The following SLC9A6 variants were observed in gnomAD, a reference collection of about 807,000 sequenced individuals.
SLC9A6 encodes solute carrier family 9 member A6.
SLC9A6 carries 6 observed loss-of-function variants against 45.3 expected under a neutral mutation model. The ratio of observed to expected loss-of-function variants is 0.13; its 90% CI spans 0.07 to 0.26. The LOEUF is 0.26. Ranked by LOEUF, SLC9A6 falls within the 10% of genes least tolerant of loss-of-function variation. The pLI, the probability that SLC9A6 is intolerant of heterozygous loss-of-function variation, is 1.00. For missense variants in SLC9A6, 278 were observed against 503.7 expected, an observed-to-expected ratio of 0.55 and a Z score of 4.29; for synonymous variants, 191 against 187.7, an observed-to-expected ratio of 1.02 and a Z score of -0.14.
chrX:136,009,780 T>C (rs1439238446), intron 7 of SLC9A6, among the ~76,000 whole-genome samples: 9 of 112,248 alleles, frequency 8.0e-5, no homozygotes, highest in Non-Finnish European at 1.7e-4. Context: ...TGGCCTGGTA[T>C]AGAGTGACTT....
intron 2 of SLC9A6, among the ~76,000 whole-genome samples, chrX:135,986,163 G>C (rs2089337135): frequency 9.1e-6 from 1 of 110,253 alleles, no homozygotes; most frequent in Non-Finnish European, 1.9e-5. Context: ...GTCTGGAATT[G>C]GGCTGGGGGC....
chrX:135,998,202 T>C lies in SLC9A6; in HGVS notation c.447+17T>C. The C allele has an allele frequency of 1.1e-6, 1 of 946,369 alleles. No homozygotes were observed. Among genetic ancestry groups the C allele is most frequent in the Non-Finnish European group, 1.5e-6 (1 of 653,634 alleles). 78.0% of individuals were successfully genotyped at this position (946,369 alleles called of 1,213,427 possible). On this transcript the variant is annotated intron_variant, in intron 4 of 17. Transcript: ENST00000630721. ...CTGAAAAGGGTAAGTCCTTTTGTCT[T>C]TCATATACTTTGAATAATCTTAAAC...
chrX:136,023,554 C>T (rs1556620193), intron 12 of SLC9A6, among the ~76,000 whole-genome samples: 1 of 109,930 alleles, frequency 9.1e-6, no homozygotes, highest in Non-Finnish European at 1.9e-5. Context: ...GAAAGGTTAC[C>T]TGCTGTGTGA....
At chrX:135,977,769 A>C (rs782540958) in intron 1 of SLC9A6, among the ~76,000 whole-genome samples, 2 of 111,829 alleles carry the variant, frequency 1.8e-5, no homozygotes, top group African/African-American at 6.5e-5. Context: ...CAATAAAAAA[A>C]AGTATTTGTC....
intron 1 of SLC9A6, 42 bp from the exon 2 acceptor site, chrX:135,985,561 G>A: frequency 1.7e-6 from 2 of 1,193,708 alleles, no homozygotes; most frequent in East Asian, 3.0e-5. Flanking sequence ...AGCAGTCCCC[G>A]AGCCCGCAGG....
rs1227537009 is a variant in SLC9A6, at chrX:136,029,864, G to GA, written c.1551-260dup. Reference sequence around the variant, plus strand: ...CGCTTCGAGTGGACCTATATTCAGAGAAAAAAAATGCTGTTTTTTTCTGAA... The same window carrying GA: ...CGCTTCGAGTGGACCTATATTCAGAGAAAAAAAAATGCTGTTTTTTTCTGAA... On this transcript the variant is annotated intron_variant, in intron 14 of 17. Coordinates refer to ENST00000630721, the MANE Select transcript of SLC9A6 (RefSeq NM_001379110.1). The GA allele has an allele frequency of 1.3e-4, 49 of 382,567 alleles. No homozygotes were observed. In the Admixed American group the frequency reaches 1.7e-3, roughly 13 times the overall value. The allele number at this position is 382,567 out of a possible 1,213,427, so 31.5% of individuals were successfully genotyped here. A position where few individuals can be genotyped will look rare whatever the true frequency, so the allele number is the denominator to read the frequency against.
chrX:135,983,565 A>G (rs1376844932), upstream of SLC9A6: 1 of 109,547 alleles, frequency 9.1e-6, no homozygotes, highest in African/African-American at 3.3e-5. Flanking sequence ...TACCATTTCA[A>G]GATTCCTCCT....
chrX:135,979,329 G>T (rs182654842), intron 1 of SLC9A6, among the ~76,000 whole-genome samples: 1 of 110,928 alleles, frequency 9.0e-6, no homozygotes, highest in Non-Finnish European at 1.9e-5. Context: ...CTTCTTTGGC[G>T]CTCCCACAGC....
chrX:136,024,808 T>A (rs1209620255), intron 13 of SLC9A6, among the ~76,000 whole-genome samples: 4 of 111,850 alleles, frequency 3.6e-5, no homozygotes, highest in Admixed American at 9.6e-5. Flanking sequence ...ATTTACATCA[T>A]TGCTTTAATG....
intron 6 of SLC9A6, 48 bp from the exon 7 acceptor site, chrX:136,002,055 ATATGT>A (rs1556617424): frequency 3.8e-6 from 3 of 782,380 alleles, no homozygotes. Flanking sequence ...ACTGAGGAGA[ATATGT>A]TATATTTGTA....
Position 135,985,817 on chromosome X carries a change from T to C in SLC9A6, c.159T>C (p.Ala53=). The change falls in exon 2 of 18, where the codon GCT becomes GCC. Residue 53 remains alanine (A), a synonymous_variant. Transcript: ENST00000630721. ...GCTTCCTGCACGAAACCGGCCTGGC[T>C]ATGATTTATGGCAAGTTCCTCAACC... ...RARFLHETGL[A]MIYGLLVGLV... is the part of the protein sequence containing the mutation. 1.7e-6 allele frequency: 2 copies of C among 1,211,303 alleles called. No individual in the cohort carries two copies. Among genetic ancestry groups the C allele is most frequent in the Non-Finnish European group, 2.2e-6 (2 of 895,462 alleles).
At chrX:136,013,846 C>A (rs1433842761) in intron 10 of SLC9A6, among the ~76,000 whole-genome samples, 2 of 112,230 alleles carry the variant, frequency 1.8e-5, no homozygotes, top group Admixed American at 9.5e-5. Context: ...AAATTAACTT[C>A]TGATATTACT....
At chrX:135,979,249 T>G (rs1214443030) in intron 1 of SLC9A6, among the ~76,000 whole-genome samples, 2 of 111,638 alleles carry the variant, frequency 1.8e-5, no homozygotes, top group African/African-American at 6.5e-5. Context: ...CTGTGACCTA[T>G]TCTTTGTTCC....
intron 2 of SLC9A6, among the ~76,000 whole-genome samples, chrX:135,989,748 A>T (rs1374343433): frequency 8.9e-6 from 1 of 111,953 alleles, no homozygotes; most frequent in Non-Finnish European, 1.9e-5. Context: ...TGAGGAAACC[A>T]GTCACTGCCA....
chrX:135,976,609 A>G (rs1487468888), intron 1 of SLC9A6, among the ~76,000 whole-genome samples: 1 of 111,209 alleles, frequency 9.0e-6, no homozygotes, highest in African/African-American at 3.3e-5. Flanking sequence ...TTTCCAAAAA[A>G]AAAAAAGAAA....
chrX:136,013,702 G>A (rs1230460266), intron 10 of SLC9A6, among the ~76,000 whole-genome samples: 1 of 111,478 alleles, frequency 9.0e-6, no homozygotes, highest in Non-Finnish European at 1.9e-5. Flanking sequence ...CTTTTTCTCA[G>A]TGTTTTCCCA....
intron 1 of SLC9A6, among the ~76,000 whole-genome samples, chrX:135,977,230 C>T (rs1330110257): frequency 1.8e-5 from 2 of 112,030 alleles, no homozygotes; most frequent in African/African-American, 6.5e-5. Context: ...AAAGAAAGAG[C>T]CATTTTCCAT....
Position 136,022,631 on chromosome X carries a change from C to T in SLC9A6, c.1240C>T (p.Leu414Phe). 8.4e-7 allele frequency: 1 copy of T among 1,197,176 alleles called. No homozygotes were observed. Among genetic ancestry groups the T allele is most frequent in the Non-Finnish European group, 1.1e-6 (1 of 885,360 alleles). The change falls in exon 12 of 18, where the codon CTC (leucine) becomes TTC (phenylalanine). Residue 414 changes from leucine (L) to phenylalanine (F), a missense_variant. This residue lies in a region of SLC9A6 where 41 missense variants were observed against 51.8 expected (regional missense o/e 0.79). Transcript: ENST00000630721. ...GRAANIYPLS[L>F]LLNLGRRSKI... ...AGCTGCCAATATTTACCCCTTGTCC[C>T]TCTTACTTAATTTGGGTAGAAGAAG...
chrX:135,988,149 G>A (rs1217356811), intron 2 of SLC9A6, among the ~76,000 whole-genome samples: 3 of 111,927 alleles, frequency 2.7e-5, no homozygotes, highest in Middle Eastern at 4.6e-3. Flanking sequence ...AAGGATTACC[G>A]ATTGCATTTT....
Sources: gnomAD v4.1 joint callset for allele counts (sites outside exome capture counted in the v4.1 genomes callset) on GRCh38, gnomAD v4.1.1 for gene constraint, gnomAD v4.1.1 regional missense constraint, MANE v1.5 for transcripts, NCBI Gene and HGNC (gene_info 2026-07-23, HGNC 2026-07-21) for gene names.